The following PPHLN1 variants were observed in gnomAD, a reference collection of about 807,000 sequenced individuals.
PPHLN1 encodes periphilin 1, also known as periphilin-1.
In PPHLN1, 29 loss-of-function variants were observed where a neutral mutation model predicts 51.3. The ratio of observed to expected loss-of-function variants is 0.57; its 90% CI spans 0.42 to 0.77. The LOEUF (loss-of-function observed/expected upper bound fraction) is 0.77, where lower values mean the gene tolerates loss of function less well. Among genes scored for constraint, PPHLN1 ranks in the 30% least tolerant of loss-of-function variants. The probability of loss-of-function intolerance (pLI) is 0.00; values close to 1 mark genes in which losing one functional copy is unlikely to be tolerated. For synonymous variants in PPHLN1, 147 were observed against 147.8 expected, an observed-to-expected ratio of 0.99 and a Z score of 0.04; for missense variants, 436 against 438.4, an observed-to-expected ratio of 0.99 and a Z score of 0.05.
chr12:42,446,124 G>C (rs543940866), downstream of PPHLN1: 6 of 1,566,930 alleles, frequency 3.8e-6, no homozygotes, highest in South Asian at 1.2e-5. Flanking sequence ...CGGGTTCGTC[G>C]GACGACACAG....
chr12:42,349,946 C>T (rs919022952), intron 2 of PPHLN1, among the ~76,000 whole-genome samples: 4 of 152,116 alleles, frequency 2.6e-5, no homozygotes, highest in East Asian at 1.9e-4. Flanking sequence ...GGGTGGTGGC[C>T]CGGCAGAGGG....
At chr12:42,446,286 G>A (rs781307689), downstream of PPHLN1, 37 of 1,586,918 alleles carry the variant, frequency 2.3e-5, no homozygotes, top group Admixed American at 1.0e-4. Flanking sequence ...TGCAACTCAC[G>A]CAAGGTATTG....
chr12:42,357,611 A>C (rs1435732069), intron 4 of PPHLN1, among the ~76,000 whole-genome samples: 1 of 152,228 alleles, frequency 6.6e-6, no homozygotes, highest in Non-Finnish European at 1.5e-5. Flanking sequence ...ATTAAGACCT[A>C]TGTGAAAGGC....
At chr12:42,443,920 T>A (rs1009718237), downstream of PPHLN1, 3 of 152,348 alleles carry the variant, frequency 2.0e-5, no homozygotes, top group East Asian at 5.8e-4. Flanking sequence ...CTAGCTCACC[T>A]ATTTTATTAG....
chr12:42,380,830 A>G (rs2076695523), intron 5 of PPHLN1, among the ~76,000 whole-genome samples: 1 of 152,204 alleles, frequency 6.6e-6, no homozygotes, highest in Non-Finnish European at 1.5e-5. Flanking sequence ...GCAACAAAAT[A>G]TCCTAGCATT....
At chr12:42,442,452 A>G (rs138953174), downstream of PPHLN1, among the ~76,000 whole-genome samples, 119 of 152,174 alleles carry the variant, frequency 7.8e-4, no homozygotes, top group African/African-American at 2.6e-3. Context: ...GGGGGCGACA[A>G]TGTTCATTAC....
chr12:42,402,668 GTTTTT>G (rs148393837), intron 9 of PPHLN1, among the ~76,000 whole-genome samples: 2 of 149,994 alleles, frequency 1.3e-5, no homozygotes, highest in African/African-American at 4.9e-5. Context: ...AGAATTTTAA[GTTTTT>G]TTTTTAAACC....
chr12:42,397,637 A>G (rs550877978), intron 8 of PPHLN1, among the ~76,000 whole-genome samples: 1 of 152,308 alleles, frequency 6.6e-6, no homozygotes, highest in African/African-American at 2.4e-5. Context: ...TGGGCAATTT[A>G]CAAAGAATGT....
At chr12:42,396,682 C>T (rs2078246754) in intron 8 of PPHLN1, among the ~76,000 whole-genome samples, 1 of 139,596 alleles carries the variant, frequency 7.2e-6, no homozygotes, top group Admixed American at 7.3e-5. Flanking sequence ...CCCAGCTACT[C>T]AGGAGACTAA....
At chr12:42,440,627 G>A (rs2082860156) in intron 9 of PPHLN1, among the ~76,000 whole-genome samples, 1 of 152,356 alleles carries the variant, frequency 6.6e-6, no homozygotes, top group African/African-American at 2.4e-5. Flanking sequence ...TGTCTGCAGG[G>A]CTGCGTTTAC....
intron 4 of PPHLN1, among the ~76,000 whole-genome samples, chr12:42,363,007 C>A (rs934342989): frequency 6.6e-6 from 1 of 152,174 alleles, no homozygotes; most frequent in Non-Finnish European, 1.5e-5. Context: ...GACCCACACC[C>A]ACTGCATGTG....
downstream of PPHLN1, chr12:42,446,651 A>G: frequency 6.2e-7 from 1 of 1,603,910 alleles, no homozygotes; most frequent in Non-Finnish European, 8.5e-7. Context: ...TGCTGCACAC[A>G]TCTGTACTCG....
At chr12:42,360,574 C>T (rs2074561060) in intron 4 of PPHLN1, among the ~76,000 whole-genome samples, 1 of 143,916 alleles carries the variant, frequency 6.9e-6, no homozygotes, top group African/African-American at 2.5e-5. Flanking sequence ...CGGCTCACTG[C>T]AACCTCTGCC....
intron 8 of PPHLN1, among the ~76,000 whole-genome samples, chr12:42,397,719 CTT>C (rs2078382264): frequency 6.6e-6 from 1 of 151,782 alleles, no homozygotes; most frequent in Non-Finnish European, 1.5e-5. Flanking sequence ...GTAACTCAAA[CTT>C]CTTTAAAAAA....
At chr12:42,360,291 C>A (rs1285549243) in intron 4 of PPHLN1, among the ~76,000 whole-genome samples, 1 of 151,128 alleles carries the variant, frequency 6.6e-6, no homozygotes, top group South Asian at 2.1e-4. Flanking sequence ...CTTAGTCTTC[C>A]CTTGATTTTT....
chr12:42,438,449 T>C (rs748781593), intron 9 of PPHLN1, among the ~76,000 whole-genome samples: 8 of 152,234 alleles, frequency 5.3e-5, no homozygotes, highest in Non-Finnish European at 8.8e-5. Context: ...TCACTACTCA[T>C]CATCGTTTTA....
intron 7 of PPHLN1, among the ~76,000 whole-genome samples, chr12:42,390,695 A>G (rs1228520330): frequency 6.7e-6 from 1 of 149,352 alleles, no homozygotes; most frequent in Non-Finnish European, 1.5e-5. Flanking sequence ...TAAGCTCATC[A>G]GCTATTCTTA....
intron 4 of PPHLN1, among the ~76,000 whole-genome samples, chr12:42,370,212 G>T (rs1375329889): frequency 1.3e-5 from 2 of 152,188 alleles, no homozygotes; most frequent in African/African-American, 4.8e-5. Flanking sequence ...CACACCCTTA[G>T]AGATTCTGAT....
chr12:42,334,720 C>T (rs547935365), intron 1 of PPHLN1, among the ~76,000 whole-genome samples: 8 of 152,130 alleles, frequency 5.3e-5, no homozygotes, highest in Non-Finnish European at 1.2e-4. Context: ...ATTTTTTGCT[C>T]ATGGTGGTTC....
Sources: allele counts gnomAD v4.1 joint callset (sites outside exome capture counted in the v4.1 genomes callset), GRCh38; gene constraint gnomAD v4.1.1; transcripts MANE v1.5; gene names NCBI Gene and HGNC (gene_info 2026-07-23, HGNC 2026-07-21).